Variants in SEMA5A observed in about 807,000 individuals in gnomAD.
SEMA5A encodes semaphorin-5A.
A neutral mutation model predicts 135.5 loss-of-function variants in SEMA5A; 55 were observed. That is an observed-to-expected ratio of 0.41 (90% confidence interval 0.33 to 0.51). SEMA5A has a LOEUF of 0.51. Among genes scored for constraint, SEMA5A ranks in the 20% least tolerant of loss-of-function variants. The pLI, the probability that SEMA5A is intolerant of heterozygous loss-of-function variation, is 0.37. For synonymous variants in SEMA5A, 580 were observed against 546.5 expected (o/e 1.06, Z -0.85); for missense variants, 1,290 against 1,419.9 (o/e 0.91, Z 1.47).
chr5:9,160,944 C>A (rs916112490), intron 11 of SEMA5A, among the ~76,000 whole-genome samples: 4 of 152,122 alleles, frequency 2.6e-5, no homozygotes, highest in Middle Eastern at 3.2e-3. Flanking sequence ...AGGAGTGTAA[C>A]TTGAAAAGGA....
chr5:9,504,172 G>A (rs1333523391), intron 1 of SEMA5A, among the ~76,000 whole-genome samples: 5 of 136,660 alleles, frequency 3.7e-5, no homozygotes, highest in East Asian at 4.3e-4. Flanking sequence ...CCAAGGTCAC[G>A]CCACTCCACT....
intron 8 of SEMA5A, among the ~76,000 whole-genome samples, chr5:9,223,124 T>C (rs1450943034): frequency 6.6e-6 from 1 of 152,196 alleles, no homozygotes; most frequent in East Asian, 1.9e-4. Context: ...ACTGATTCGG[T>C]TGAAGTCAGT....
intron 3 of SEMA5A, among the ~76,000 whole-genome samples, chr5:9,353,319 G>GAAATGAAAGGAAAGGAAAGGAAAGGA (rs1561177769): frequency 2.4e-5 from 1 of 40,974 alleles, no homozygotes; most frequent in Non-Finnish European, 5.5e-5. Context: ...GAAGGGAAAG[G>GAAATGAAAGGAAAGGAAAGGAAAGGA]AAGGAAAGGA....
In SEMA5A at chr5:9,305,708, G is replaced by GTGTATATATA. The variant is rs1554017498; in HGVS notation, c.270+12663_270+12664insTATATATACA. 2.8e-3 allele frequency among the ~76,000 whole-genome samples: 393 copies of GTGTATATATA among 139,218 alleles called. 6 individuals carry two copies. The highest frequency in any genetic ancestry group is 0.01 in the African/African-American group (360 of 35,886). The allele number at this position is 139,218 out of a possible 152,430, so 91.3% of individuals were successfully genotyped here. A position where few individuals can be genotyped will look rare whatever the true frequency, so the allele number is the denominator to read the frequency against. On this transcript the variant is annotated intron_variant, in intron 5 of 22. Coordinates refer to ENST00000382496, the MANE Select transcript of SEMA5A (RefSeq NM_003966.3). The stretch of plus-strand genomic sequence containing the variant: ...CAGTATATATACTGTGTGTGTGTGC[G>GTGTATATATA]TATATATATATATATATATTTACAC...
chr5:9,455,647 C>T (rs945684595), intron 1 of SEMA5A, among the ~76,000 whole-genome samples: 1 of 152,172 alleles, frequency 6.6e-6, no homozygotes, highest in Non-Finnish European at 1.5e-5. Context: ...TTTTAAACTG[C>T]AATCAAGCAA....
chr5:9,266,835 C>T (rs1191076008), intron 5 of SEMA5A, among the ~76,000 whole-genome samples: 1 of 152,138 alleles, frequency 6.6e-6, no homozygotes, highest in African/African-American at 2.4e-5. Context: ...CTCAACTTTA[C>T]CAAAGCAGTA....
At chr5:9,265,516 G>A (rs1304044372) in intron 5 of SEMA5A, 1 of 456,260 alleles carries the variant, frequency 2.2e-6, no homozygotes, top group African/African-American at 2.0e-5. Flanking sequence ...GGCTTTGTGT[G>A]GTGTGTGCGG....
At chr5:9,121,750 G>A (rs1740823517) in intron 14 of SEMA5A, among the ~76,000 whole-genome samples, 1 of 152,074 alleles carries the variant, frequency 6.6e-6, no homozygotes, top group African/African-American at 2.4e-5. Flanking sequence ...CTTTCACCTT[G>A]GTGGTGAGAA....
chr5:9,189,195 G>T (rs1744961599), intron 11 of SEMA5A, among the ~76,000 whole-genome samples: 1 of 152,206 alleles, frequency 6.6e-6, no homozygotes, highest in Admixed American at 6.5e-5. Flanking sequence ...AGCTTGCTGG[G>T]CTGTCTCTGC....
rs555415067 is a variant in SEMA5A at position 9,491,121 on chromosome 5, C to T, written c.-174-53269G>A. Among the ~76,000 whole-genome samples the T allele has an allele frequency of 7.2e-5, 11 of 152,148 alleles. No individual in the cohort carries two copies. The South Asian group carries it at 1.7e-3, about 23-fold the overall frequency. ...TATAGAATGTGGCCAGCACATTGTT[C>T]GCGATGTCCTCAAGTTCAGTTTTGG... On this transcript the variant is annotated intron_variant, in intron 1 of 22. Transcript: ENST00000382496.
chr5:9,461,988 G>A (rs1422536906), intron 1 of SEMA5A, among the ~76,000 whole-genome samples: 1 of 152,122 alleles, frequency 6.6e-6, no homozygotes, highest in African/African-American at 2.4e-5. Flanking sequence ...AACATAAAAG[G>A]CAGAAACACA....
At chr5:9,307,572 T>C (rs1337191072) in intron 5 of SEMA5A, among the ~76,000 whole-genome samples, 1 of 152,130 alleles carries the variant, frequency 6.6e-6, no homozygotes, top group Non-Finnish European at 1.5e-5. Context: ...ACAGAACACA[T>C]TATCTCTTAC....
chr5:9,436,035 C>G (rs925191994), intron 2 of SEMA5A, among the ~76,000 whole-genome samples: 2 of 152,174 alleles, frequency 1.3e-5, no homozygotes, highest in Admixed American at 6.5e-5. Flanking sequence ...AAGATAGAAT[C>G]AAATCCCAGC....
At chr5:9,089,636 C>T (rs1738923491) in intron 16 of SEMA5A, among the ~76,000 whole-genome samples, 1 of 152,166 alleles carries the variant, frequency 6.6e-6, no homozygotes, top group African/African-American at 2.4e-5. Flanking sequence ...TACCTTGTTG[C>T]ATTGAATTGG....
chr5:9,354,844 T>C (rs1433942897), intron 3 of SEMA5A, among the ~76,000 whole-genome samples: 1 of 152,012 alleles, frequency 6.6e-6, no homozygotes, highest in African/African-American at 2.4e-5. Context: ...AAAAGCCACA[T>C]AGAGGTCTAG....
intron 5 of SEMA5A, among the ~76,000 whole-genome samples, chr5:9,310,817 G>A (rs1579322265): frequency 2.2e-5 from 2 of 91,184 alleles, no homozygotes; most frequent in African/African-American, 3.1e-5. Flanking sequence ...ATATATATAT[G>A]AACACACATA....
chr5:9,440,411 A>C (rs1362183913), intron 1 of SEMA5A, among the ~76,000 whole-genome samples: 1 of 152,130 alleles, frequency 6.6e-6, no homozygotes, highest in Non-Finnish European at 1.5e-5. Context: ...TAAACATATA[A>C]ATTTCTCTAT....
intron 1 of SEMA5A, among the ~76,000 whole-genome samples, chr5:9,447,084 G>T (rs1758460437): frequency 6.6e-6 from 1 of 152,172 alleles, no homozygotes; most frequent in Admixed American, 6.5e-5. Flanking sequence ...TGGTTAAATT[G>T]TTCAGAAAAA....
intron 2 of SEMA5A, among the ~76,000 whole-genome samples, chr5:9,424,608 A>G (rs1757579601): frequency 6.6e-6 from 1 of 152,160 alleles, no homozygotes; most frequent in African/African-American, 2.4e-5. Context: ...CCTTCAACTC[A>G]AAGTTAACAT....
Sources: gnomAD v4.1 joint callset for allele counts (sites outside exome capture counted in the v4.1 genomes callset) on GRCh38, gnomAD v4.1.1 for gene constraint, MANE v1.5 for transcripts, NCBI Gene and HGNC (gene_info 2026-07-23, HGNC 2026-07-21) for gene names.